FUT8: variants seen among roughly 807,000 people sequenced by gnomAD.
The protein encoded by FUT8 is alpha-(1,6)-fucosyltransferase.
In FUT8, 29 loss-of-function variants were observed where a neutral mutation model predicts 71.3. That is an observed-to-expected ratio of 0.41 (90% CI 0.30 to 0.55). The LOEUF is 0.55. Among genes scored for constraint, FUT8 ranks in the 20% least tolerant of loss-of-function variants. The pLI is 0.34. For synonymous variants in FUT8, 254 were observed against 239.3 expected (o/e 1.06, Z -0.57); for missense variants, 544 against 702.1 (o/e 0.77, Z 2.55).
At chr14:65,702,456 A>G (rs141471658) in intron 7 of FUT8, among the ~76,000 whole-genome samples, 5 of 152,328 alleles carry the variant, frequency 3.3e-5, no homozygotes, top group African/African-American at 7.2e-5. Context: ...TTGGTTCTCA[A>G]TAACTGTTAG....
chr14:65,538,948 C>CA (rs989392715), intron 2 of FUT8, among the ~76,000 whole-genome samples: 39 of 151,198 alleles, frequency 2.6e-4, no homozygotes, highest in South Asian at 4.2e-4. Flanking sequence ...AAAACAAACA[C>CA]AAAAAAAACG....
At chr14:65,684,491 T>C (rs567875010) in intron 7 of FUT8, among the ~76,000 whole-genome samples, 24 of 152,342 alleles carry the variant, frequency 1.6e-4, no homozygotes, top group Admixed American at 5.2e-4. Flanking sequence ...TCTTTAAAAA[T>C]AGTGGAAAGA....
At chr14:65,385,765 C>T in the FUT8 span, among the ~76,000 whole-genome samples, 1 of 152,172 alleles carries the variant, frequency 6.6e-6, no homozygotes, top group East Asian at 2.0e-4. Context: ...TGGTCTCAAA[C>T]TCCTGGGCTC....
At chr14:65,518,764 C>T (rs78075930) in intron 2 of FUT8, among the ~76,000 whole-genome samples, 3,431 of 152,236 alleles carry the variant, frequency 0.023, 132 homozygotes, top group African/African-American at 0.078. Flanking sequence ...AAGTGATTCA[C>T]CTGCTTTGGC....
the FUT8 span, among the ~76,000 whole-genome samples, chr14:65,383,265 CTTTTTTTTT>C: frequency 2.3e-3 from 201 of 86,534 alleles, 1 homozygote; most frequent in East Asian, 0.01. Flanking sequence ...TTTTTCTTTT[CTTTTTTTTT>C]TTTTTTTTTT....
At chr14:65,450,930 C>T (rs992723187) in intron 1 of FUT8, among the ~76,000 whole-genome samples, 1 of 151,308 alleles carries the variant, frequency 6.6e-6, no homozygotes, top group African/African-American at 2.4e-5. Context: ...CAGTGGCGCT[C>T]ACTGCAAGCT....
Position 65,669,177 on chromosome 14 carries a change from A to G in FUT8, c.598-66A>G. On this transcript the variant is annotated intron_variant, in intron 6 of 10. Coordinates refer to ENST00000673929, the MANE Select transcript of FUT8 (RefSeq NM_001371533.1). This position sits in a 1 kb window ranked among gnomAD's most constrained non-coding sequence, Gnocchi z 4.5. ...ACCCCTGAAGATGAAAGATTAAAAA[A>G]AAAAAAGAGCAGTTGACCTCTCTGT... 8.1e-7 allele frequency: 1 copy of G among 1,231,726 alleles called. No homozygotes were observed. The allele number at this position is 1,231,726 out of a possible 1,614,324, so 76.3% of individuals were successfully genotyped here. A position where few individuals can be genotyped will look rare whatever the true frequency, so the allele number is the denominator to read the frequency against.
intron 6 of FUT8, among the ~76,000 whole-genome samples, chr14:65,653,162 C>T (rs1160619787): frequency 6.6e-6 from 1 of 152,036 alleles, no homozygotes; most frequent in Non-Finnish European, 1.5e-5. Flanking sequence ...GTAGAGATCT[C>T]CTCTCTTGGT....
chr14:65,721,974 A>G lies in FUT8; in HGVS notation c.1035A>G (p.Glu345=). 6.2e-7 allele frequency: 1 copy of G among 1,614,234 alleles called. No individual in the cohort carries two copies. Among genetic ancestry groups the G allele is most frequent in the Non-Finnish European group, 8.5e-7 (1 of 1,180,038 alleles). The stretch of plus-strand genomic sequence containing the variant: ...GCCCACAGCCTTGGCTAGAAAAAGA[A>G]ATAGAAGAAGCCACCAAGAAGCTTG... ...LIRPQPWLEK[E]IEEATKKLGF... is the part of the protein sequence containing the mutation. The change falls in exon 8 of 11, where the codon GAA becomes GAG. Residue 345 remains glutamate (E), a synonymous_variant. Coordinates refer to ENST00000673929, the MANE Select transcript of FUT8 (RefSeq NM_001371533.1).
chr14:65,572,652 T>A (rs1202934427), intron 3 of FUT8, among the ~76,000 whole-genome samples: 1 of 152,082 alleles, frequency 6.6e-6, no homozygotes, highest in Non-Finnish European at 1.5e-5. Flanking sequence ...TTCTACCAGA[T>A]TCCTTTCTTC....
intron 2 of FUT8, among the ~76,000 whole-genome samples, chr14:65,519,609 TA>T (rs1229200088): frequency 6.6e-6 from 1 of 152,188 alleles, no homozygotes; most frequent in Non-Finnish European, 1.5e-5. Context: ...TAAATTTTTT[TA>T]AACTTAATAT....
chr14:65,591,194 T>C (rs1297022487), intron 3 of FUT8, among the ~76,000 whole-genome samples: 2 of 152,180 alleles, frequency 1.3e-5, no homozygotes, highest in Non-Finnish European at 2.9e-5. Context: ...TAGTTTAAAA[T>C]TTTTCCATTT....
upstream of FUT8, chr14:65,411,289 T>C (rs2065120822): frequency 6.6e-6 from 1 of 152,242 alleles, no homozygotes; most frequent in Non-Finnish European, 1.5e-5. Flanking sequence ...CTTTCAATTT[T>C]CTTTTCTCAC....
intron 2 of FUT8, among the ~76,000 whole-genome samples, chr14:65,540,614 A>C (rs1020230301): frequency 7.2e-5 from 11 of 152,216 alleles, no homozygotes; most frequent in Non-Finnish European, 1.5e-4. Context: ...AAAAGAAAAA[A>C]CCAAATCTCA....
intron 3 of FUT8, among the ~76,000 whole-genome samples, chr14:65,615,118 A>G (rs1566853855): frequency 1.3e-5 from 2 of 152,060 alleles, no homozygotes; most frequent in Non-Finnish European, 2.9e-5. Flanking sequence ...TTTTTTCGAG[A>G]CAGGGTTTCA....
Position 65,490,542 on chromosome 14 carries a change from C to G in FUT8, c.-228+34824C>G, listed in dbSNP as rs752022509. 3.9e-5 allele frequency among the ~76,000 whole-genome samples: 6 copies of G among 152,026 alleles called. No individual in the cohort carries two copies. The South Asian group carries it at 6.2e-4, about 16-fold the overall frequency. ...TGGAAACATTTACAAAAGCCTGTATCTGTGTTAAAAAAATATATTTCTTCA... is the reference window on the plus strand; with the variant it reads ...TGGAAACATTTACAAAAGCCTGTATGTGTGTTAAAAAAATATATTTCTTCA... On this transcript the variant is annotated intron_variant, in intron 2 of 10. Transcript: ENST00000673929.
chr14:65,596,331 A>G (rs1223687350), intron 3 of FUT8, among the ~76,000 whole-genome samples: 2 of 152,234 alleles, frequency 1.3e-5, no homozygotes, highest in Non-Finnish European at 2.9e-5. Flanking sequence ...GAGTGTGTAT[A>G]GTTTGAAGAT....
intron 7 of FUT8, among the ~76,000 whole-genome samples, chr14:65,682,687 C>T (rs558341518): frequency 3.5e-4 from 53 of 152,272 alleles, no homozygotes; most frequent in African/African-American, 1.3e-3. Flanking sequence ...CCATGACATG[C>T]CAAGATACCA....
chr14:65,617,103 A>T (rs747359239), intron 5 of FUT8: 1 of 1,596,212 alleles, frequency 6.3e-7, no homozygotes, highest in Admixed American at 1.8e-5. Context: ...TCTGATGGCA[A>T]TTACTGTCTC....
Sources: allele counts gnomAD v4.1 joint callset (sites outside exome capture counted in the v4.1 genomes callset), GRCh38; gene constraint gnomAD v4.1.1; non-coding constraint Gnocchi (gnomAD v3.1); transcripts MANE v1.5; gene names NCBI Gene and HGNC (gene_info 2026-07-23, HGNC 2026-07-21).